The following P2RX3 variants were observed in gnomAD, a reference collection of about 807,000 sequenced individuals.
P2RX3 encodes P2X purinoceptor 3.
In P2RX3, 41 loss-of-function variants were observed where a neutral mutation model predicts 51.5. That is an observed-to-expected ratio of 0.80 (90% CI 0.62 to 1.03). The LOEUF is 1.03. Among genes scored for constraint, P2RX3 ranks in the 50% least tolerant of loss-of-function variants. P2RX3 has a pLI of 0.00. For synonymous variants in P2RX3, 185 were observed against 191.6 expected (o/e 0.97, Z 0.29); for missense variants, 459 against 522.1 (o/e 0.88, Z 1.18).
chr11:57,348,359 G>A, intron 5 of P2RX3, 96 bp downstream of exon 5: 1 of 1,200,190 alleles, frequency 8.3e-7, no homozygotes, highest in Non-Finnish European at 1.2e-6. Flanking sequence ...AGGAGGGTCT[G>A]TGGCTTTCTC....
At chr11:57,349,648 C>T (rs1856506522) in intron 6 of P2RX3, 109 bp from the exon 7 acceptor site, 3 of 1,380,338 alleles carry the variant, frequency 2.2e-6, no homozygotes, top group African/African-American at 1.4e-5. Context: ...CAGATGAAGG[C>T]TGAGGGCTCA....
intron 1 of P2RX3, 150 bp from the exon 2 acceptor site, chr11:57,346,394 C>G: frequency 1.2e-6 from 1 of 846,486 alleles, no homozygotes; most frequent in African/African-American, 1.7e-5. Flanking sequence ...CAACCAAGGG[C>G]TCACTCTAGG....
intron 1 of P2RX3, among the ~76,000 whole-genome samples, chr11:57,343,101 C>G (rs902130895): frequency 6.6e-6 from 1 of 152,230 alleles, no homozygotes; most frequent in African/African-American, 2.4e-5. Flanking sequence ...CCCCTCCGTT[C>G]TGGAAATGAA....
chr11:57,350,680 C>T, intron 7 of P2RX3, 82 bp from the exon 8 acceptor site: 3 of 1,556,974 alleles, frequency 1.9e-6, no homozygotes, highest in South Asian at 2.4e-5. Context: ...CATTTGTCAC[C>T]ACCTCCACCC....
intron 11 of P2RX3, 84 bp downstream of exon 11, chr11:57,369,522 T>A: frequency 4.7e-6 from 6 of 1,286,696 alleles, no homozygotes; most frequent in African/African-American, 1.5e-5. Flanking sequence ...GCTCCCCTTC[T>A]GAGGCCTTCT....
At chr11:57,353,023 G>T (rs1402249078) in intron 8 of P2RX3, among the ~76,000 whole-genome samples, 7 of 152,192 alleles carry the variant, frequency 4.6e-5, no homozygotes, top group African/African-American at 1.7e-4. Flanking sequence ...CTCTGCCCAA[G>T]CCCCTTCCCA....
At chr11:57,337,329 A>AAAAG (rs1554965262), upstream of P2RX3, among the ~76,000 whole-genome samples, 44 of 77,238 alleles carry the variant, frequency 5.7e-4, no homozygotes, top group South Asian at 2.2e-3. Flanking sequence ...AAGAAAAAAA[A>AAAAG]AAGGAAGGGA....
At chr11:57,358,414 G>A (rs1429064542) in intron 8 of P2RX3, among the ~76,000 whole-genome samples, 3 of 152,174 alleles carry the variant, frequency 2.0e-5, no homozygotes, top group African/African-American at 7.2e-5. Flanking sequence ...ATATAGTGAT[G>A]ATAAATTTGA....
chr11:57,362,524 C>G (rs1216237304), intron 8 of P2RX3, among the ~76,000 whole-genome samples: 2 of 152,184 alleles, frequency 1.3e-5, no homozygotes, highest in African/African-American at 4.8e-5. Context: ...GTTCTGCTCC[C>G]AGCCAGTGAC....
chr11:57,335,989 G>T (rs914560368), upstream of P2RX3: 1 of 152,268 alleles, frequency 6.6e-6, no homozygotes, highest in African/African-American at 2.4e-5. This position sits in a 1 kb window ranked among gnomAD's most constrained non-coding sequence, Gnocchi z 4.6. Flanking sequence ...GGTGGTTGCC[G>T]TGAAGCCTCT....
chr11:57,366,981 C>A (rs888315558), intron 8 of P2RX3, among the ~76,000 whole-genome samples: 4 of 152,200 alleles, frequency 2.6e-5, no homozygotes, highest in African/African-American at 9.7e-5. Flanking sequence ...GAAGTTTCGA[C>A]ATGAGTTTTG....
intron 10 of P2RX3, among the ~76,000 whole-genome samples, chr11:57,369,015 C>T (rs553902190): frequency 1.3e-5 from 2 of 152,286 alleles, no homozygotes; most frequent in South Asian, 2.1e-4. Flanking sequence ...CTCTCTTCCT[C>T]ATCTTATAAA....
At chr11:57,368,483 C>T (rs556605171) in intron 10 of P2RX3, 46 bp downstream of exon 10, 3 of 1,601,956 alleles carry the variant, frequency 1.9e-6, no homozygotes, top group Middle Eastern at 1.7e-4. Context: ...CAGAGTGGGG[C>T]CCGGACTGGT....
intron 8 of P2RX3, among the ~76,000 whole-genome samples, chr11:57,364,197 T>C (rs961742227): frequency 6.6e-6 from 1 of 151,998 alleles, no homozygotes; most frequent in African/African-American, 2.4e-5. Context: ...CCACTACCCA[T>C]GGGCATGAGG....
At chr11:57,369,495 G>A in intron 11 of P2RX3, 57 bp downstream of exon 11, 1 of 1,526,444 alleles carries the variant, frequency 6.6e-7, no homozygotes, top group Non-Finnish European at 8.9e-7. Context: ...GGCAGGCAGG[G>A]GCAGGGACTC....
intron 8 of P2RX3, among the ~76,000 whole-genome samples, chr11:57,359,068 A>G (rs943870621): frequency 4.6e-5 from 7 of 152,174 alleles, no homozygotes; most frequent in Non-Finnish European, 8.8e-5. Flanking sequence ...AGGAACCAGC[A>G]TGGGAGTCGA....
chr11:57,351,814 A>G (rs1448595971), intron 8 of P2RX3, among the ~76,000 whole-genome samples: 2 of 152,334 alleles, frequency 1.3e-5, no homozygotes, highest in East Asian at 1.9e-4. Context: ...AGTGTAGACT[A>G]CAAGGTCAAC....
intron 1 of P2RX3, among the ~76,000 whole-genome samples, chr11:57,340,983 T>A (rs1380757769): frequency 6.6e-6 from 1 of 152,142 alleles, no homozygotes; most frequent in Non-Finnish European, 1.5e-5. Context: ...GTACGGTGGA[T>A]GGGAACACAC....
chr11:57,368,187 G>T, intron 9 of P2RX3, 85 bp downstream of exon 9: 1 of 1,426,344 alleles, frequency 7.0e-7, no homozygotes, highest in South Asian at 1.2e-5. Context: ...CCTCTGGGGG[G>T]CAGGGGTCTG....
Sources: gnomAD v4.1 joint callset for allele counts (sites outside exome capture counted in the v4.1 genomes callset) on GRCh38, gnomAD v4.1.1 for gene constraint, Gnocchi (gnomAD v3.1) non-coding constraint, MANE v1.5 for transcripts, NCBI Gene and HGNC (gene_info 2026-07-23, HGNC 2026-07-21) for gene names.